Variants in DNER observed in about 807,000 individuals in gnomAD.
The protein encoded by DNER is delta and Notch-like epidermal growth factor-related receptor.
In DNER, 33 loss-of-function variants were observed where a neutral mutation model predicts 78.2. That is an observed-to-expected ratio of 0.42 (90% CI 0.32 to 0.56). DNER has a LOEUF of 0.56. Among genes scored for constraint, DNER ranks in the 20% least tolerant of loss-of-function variants. The pLI is 0.11. For missense variants in DNER, 918 were observed against 975.3 expected (o/e 0.94, Z 0.78); for synonymous variants, 417 against 384.8 (o/e 1.08, Z -0.98).
chr2:229,447,085 T>TAA (rs1694356842), intron 8 of DNER, among the ~76,000 whole-genome samples: 1 of 152,198 alleles, frequency 6.6e-6, no homozygotes, highest in Non-Finnish European at 1.5e-5. Flanking sequence ...GATGAAAGAG[T>TAA]ATTTTTTTAA....
chr2:229,658,539 A>G (rs1698950441), intron 1 of DNER, among the ~76,000 whole-genome samples: 1 of 152,218 alleles, frequency 6.6e-6, no homozygotes, highest in Non-Finnish European at 1.5e-5. Flanking sequence ...AGACTTGCCA[A>G]TTCCTTCAAC....
chr2:229,707,775 T>C (rs1559216638), intron 1 of DNER, among the ~76,000 whole-genome samples: 2 of 152,230 alleles, frequency 1.3e-5, no homozygotes, highest in African/African-American at 2.4e-5. Flanking sequence ...GATTCCCTAA[T>C]AGTCTAGACT....
intron 6 of DNER, among the ~76,000 whole-genome samples, chr2:229,505,264 G>C (rs561926220): frequency 1.3e-5 from 2 of 151,102 alleles, no homozygotes; most frequent in African/African-American, 4.9e-5. Context: ...CTAAAAGAGA[G>C]AGAGAGAAAC....
At chr2:229,458,384 T>C (rs964324743) in intron 7 of DNER, among the ~76,000 whole-genome samples, 1 of 151,724 alleles carries the variant, frequency 6.6e-6, no homozygotes, top group Non-Finnish European at 1.5e-5. Context: ...AAAGAAAAAC[T>C]GCTAGCAAGA....
At chr2:229,378,404 G>C (rs960195626) in intron 11 of DNER, among the ~76,000 whole-genome samples, 4 of 152,200 alleles carry the variant, frequency 2.6e-5, no homozygotes, top group Non-Finnish European at 5.9e-5. Context: ...AGAGCTCCAG[G>C]CATAGGGAAC....
At chr2:229,642,155 A>G (rs1698636741) in intron 1 of DNER, among the ~76,000 whole-genome samples, 1 of 152,216 alleles carries the variant, frequency 6.6e-6, no homozygotes, top group South Asian at 2.1e-4. Context: ...TTGTCTTTAA[A>G]TTGATTTTCC....
At chr2:229,360,190 C>T (rs1559330088) in intron 12 of DNER, among the ~76,000 whole-genome samples, 1 of 152,166 alleles carries the variant, frequency 6.6e-6, no homozygotes, top group Non-Finnish European at 1.5e-5. Flanking sequence ...AAGATGCAAA[C>T]ATTTTGACAA....
chr2:229,552,927 C>T (rs1366844364), intron 4 of DNER, among the ~76,000 whole-genome samples: 3 of 152,098 alleles, frequency 2.0e-5, no homozygotes, highest in Non-Finnish European at 4.4e-5. Flanking sequence ...GCTATTATCC[C>T]GGGCTTGCGA....
intron 8 of DNER, among the ~76,000 whole-genome samples, chr2:229,430,098 C>A (rs1158074976): frequency 2.6e-5 from 4 of 152,202 alleles, no homozygotes; most frequent in Non-Finnish European, 5.9e-5. Flanking sequence ...CAGAAGAGTT[C>A]TTTTCTTTAC....
chr2:229,480,020 A>G (rs1447746821), intron 6 of DNER, among the ~76,000 whole-genome samples: 3 of 152,230 alleles, frequency 2.0e-5, no homozygotes, highest in Admixed American at 6.5e-5. Flanking sequence ...CACAGCCAGC[A>G]GCCAATTTGG....
intron 9 of DNER, among the ~76,000 whole-genome samples, chr2:229,415,159 TCA>T (rs1693617808): frequency 1.4e-5 from 1 of 73,298 alleles, no homozygotes; most frequent in Admixed American, 1.3e-4. Context: ...TGAAACTCCA[TCA>T]CAAAAAAAAA....
chr2:229,663,776 T>C (rs951371414), intron 1 of DNER, among the ~76,000 whole-genome samples: 4 of 152,206 alleles, frequency 2.6e-5, no homozygotes, highest in African/African-American at 7.2e-5. Context: ...CAGTGGATAC[T>C]AGTTTTTAAT....
At chr2:229,655,445 G>C (rs1467114552) in intron 1 of DNER, among the ~76,000 whole-genome samples, 3 of 152,172 alleles carry the variant, frequency 2.0e-5, no homozygotes, top group Admixed American at 6.5e-5. Flanking sequence ...CTCAGGAAAA[G>C]AGAGGAGATT....
intron 11 of DNER, among the ~76,000 whole-genome samples, chr2:229,386,761 CA>C (rs1339016910): frequency 2.0e-5 from 3 of 152,016 alleles, no homozygotes; most frequent in African/African-American, 7.3e-5. Flanking sequence ...AAATGCAAAT[CA>C]AAACCACAAT....
chr2:229,671,978 A>C (rs1022093550), intron 1 of DNER, among the ~76,000 whole-genome samples: 1 of 152,202 alleles, frequency 6.6e-6, no homozygotes, highest in Non-Finnish European at 1.5e-5. Flanking sequence ...AAGTTTGCCA[A>C]AATGTATCAT....
chr2:229,714,085 C>A, intron 1 of DNER, 63 bp downstream of exon 1: 1 of 1,238,066 alleles, frequency 8.1e-7, no homozygotes, highest in Non-Finnish European at 1.0e-6. Flanking sequence ...GCAGCAGGGC[C>A]GGCGGGAAGA....
At chr2:229,451,776 C>T (rs1694462605) in intron 7 of DNER, among the ~76,000 whole-genome samples, 1 of 152,068 alleles carries the variant, frequency 6.6e-6, no homozygotes, top group Admixed American at 6.5e-5. Flanking sequence ...TAAGCAAAAC[C>T]AGGACTTATG....
chr2:229,454,774 G>A (rs1694535391), intron 7 of DNER, among the ~76,000 whole-genome samples: 1 of 151,960 alleles, frequency 6.6e-6, no homozygotes, highest in Non-Finnish European at 1.5e-5. Context: ...AAAATATAAT[G>A]CAGGATGAGA....
At position 229,571,748 on chromosome 2, in the gene DNER, C is replaced by T. The variant is rs147254647; in HGVS notation, c.847+14110G>A. Among the ~76,000 whole-genome samples, 726 of 152,196 alleles carry T rather than the reference C, an allele frequency of 4.8e-3. 14 individuals carry two copies. Among genetic ancestry groups the T allele is most frequent in the East Asian group, 5.6e-3 (29 of 5,158 alleles). ...TTGATGAGACCTCCCCCCCTGAAAC[C>T]GTGGTGTCTGTCACTCTTGATTCTG... On this transcript the variant is annotated intron_variant, in intron 4 of 12. Transcript: ENST00000341772.
Sources: allele counts gnomAD v4.1 joint callset (sites outside exome capture counted in the v4.1 genomes callset), GRCh38; gene constraint gnomAD v4.1.1; transcripts MANE v1.5; gene names NCBI Gene and HGNC (gene_info 2026-07-23, HGNC 2026-07-21).